Variants in SYCP1 observed in about 807,000 individuals in gnomAD.
The protein encoded by SYCP1 is cancer/testis antigen 8.
SYCP1 carries 64 observed loss-of-function variants against 153.1 expected under a neutral mutation model. That is an observed-to-expected ratio of 0.42 (90% confidence interval 0.34 to 0.51). The LOEUF is 0.51. Among genes scored for constraint, SYCP1 ranks in the 20% least tolerant of loss-of-function variants. SYCP1 has a pLI of 0.06. For synonymous variants in SYCP1, 384 were observed against 341.8 expected, an observed-to-expected ratio of 1.12 and a Z score of -1.36; for missense variants, 997 against 1,049.0, an observed-to-expected ratio of 0.95 and a Z score of 0.68.
At chr1:114,971,278 G>T (rs549929939) in intron 27 of SYCP1, among the ~76,000 whole-genome samples, 2 of 152,278 alleles carry the variant, frequency 1.3e-5, no homozygotes, top group South Asian at 4.1e-4. Context: ...AGGGCTTGCT[G>T]CTGCCACTGT....
intron 23 of SYCP1, 65 bp downstream of exon 23, chr1:114,926,628 T>G: frequency 7.5e-7 from 1 of 1,333,426 alleles, no homozygotes; most frequent in Non-Finnish European, 1.0e-6. Flanking sequence ...AGACATTTTA[T>G]TCCACTTGTT....
intron 5 of SYCP1, 72 bp downstream of exon 5, chr1:114,857,569 T>A: frequency 9.3e-7 from 1 of 1,074,896 alleles, no homozygotes. Flanking sequence ...TGTATATTTC[T>A]TTTGAAGCTT....
In SYCP1 at chr1:114,857,136, C is replaced by CAAAAAAAAAAAAAAAAAAAAAAAAA. The variant is rs71582509; in HGVS notation, c.194-75_194-74insAAAAAAAAAAAAAAAAAAAAAAAAA. Reference sequence around the variant, plus strand: ...ATAGTGCCAGATGTCCTCTCTCTCTCAAAAAAAAAAAAAAAAAAAAAGAGA... The same window carrying CAAAAAAAAAAAAAAAAAAAAAAAAA: ...ATAGTGCCAGATGTCCTCTCTCTCTCAAAAAAAAAAAAAAAAAAAAAAAAAAAAAAAAAAAAAAAAAAAAAAGAGA... On this transcript the variant is annotated intron_variant, in intron 3 of 31. Transcript: ENST00000369522. 2.0e-4 allele frequency: 48 copies of CAAAAAAAAAAAAAAAAAAAAAAAAA among 245,186 alleles called. 1 individual carries two copies. Among genetic ancestry groups the CAAAAAAAAAAAAAAAAAAAAAAAAA allele is most frequent in the African/African-American group, 5.3e-4 (9 of 16,856 alleles). 15.2% of individuals were successfully genotyped at this position (245,186 alleles called of 1,614,324 possible).
chr1:114,900,773 G>C (rs1313916051), intron 16 of SYCP1, among the ~76,000 whole-genome samples: 1 of 152,112 alleles, frequency 6.6e-6, no homozygotes, highest in African/African-American at 2.4e-5. Context: ...CATAATTAAG[G>C]GTGTGGTTAG....
intron 23 of SYCP1, among the ~76,000 whole-genome samples, chr1:114,943,157 T>C (rs1238401851): frequency 6.6e-6 from 1 of 151,950 alleles, no homozygotes; most frequent in Non-Finnish European, 1.5e-5. Flanking sequence ...TTGCTGAGAA[T>C]TTAAATTGGT....
At chr1:114,982,737 GT>G (rs1332803666) in intron 29 of SYCP1, among the ~76,000 whole-genome samples, 3 of 151,746 alleles carry the variant, frequency 2.0e-5, no homozygotes, top group Non-Finnish European at 2.9e-5. Context: ...GAGAGTTTCT[GT>G]TGTTTGTTCT....
At chr1:114,961,801 G>T (rs1250928019) in intron 27 of SYCP1, among the ~76,000 whole-genome samples, 1 of 152,032 alleles carries the variant, frequency 6.6e-6, no homozygotes, top group East Asian at 1.9e-4. Context: ...GTGATGAATA[G>T]AATGTATATT....
intron 28 of SYCP1, among the ~76,000 whole-genome samples, chr1:114,980,937 G>A (rs1329052877): frequency 5.0e-4 from 76 of 151,718 alleles, no homozygotes; most frequent in Non-Finnish European, 2.9e-5. Context: ...CTCCCATCCT[G>A]CATGCTCCCA....
At chr1:114,946,558 T>C (rs970814565) in intron 26 of SYCP1, among the ~76,000 whole-genome samples, 177 bp downstream of exon 26, 6 of 152,164 alleles carry the variant, frequency 3.9e-5, no homozygotes, top group African/African-American at 1.4e-4. Flanking sequence ...GTTTTTGAAA[T>C]AGTGGAACAA....
chr1:114,934,619 T>C (rs1441543873), intron 23 of SYCP1, among the ~76,000 whole-genome samples: 3 of 152,112 alleles, frequency 2.0e-5, no homozygotes, highest in African/African-American at 7.2e-5. Flanking sequence ...ACTGGCAAAT[T>C]GGATAAAGAG....
At chr1:114,933,875 A>G (rs1303376070) in intron 23 of SYCP1, among the ~76,000 whole-genome samples, 1 of 152,210 alleles carries the variant, frequency 6.6e-6, no homozygotes, top group Non-Finnish European at 1.5e-5. Context: ...GTAAAAAGAA[A>G]TGAATAAATC....
intron 20 of SYCP1, among the ~76,000 whole-genome samples, chr1:114,921,145 TA>T (rs1668842881): frequency 6.6e-6 from 1 of 152,078 alleles, no homozygotes; most frequent in Non-Finnish European, 1.5e-5. Context: ...TTATTTGTTG[TA>T]TTTTTTTTAT....
At chr1:114,991,275 G>A (rs1316302548) in intron 30 of SYCP1, among the ~76,000 whole-genome samples, 1 of 151,798 alleles carries the variant, frequency 6.6e-6, no homozygotes, top group Non-Finnish European at 1.5e-5. Context: ...CCAAAAAGTT[G>A]AAGAAGGAAC....
At chr1:114,912,315 C>A (rs1460104708) in intron 18 of SYCP1, among the ~76,000 whole-genome samples, 1 of 151,836 alleles carries the variant, frequency 6.6e-6, no homozygotes, top group Non-Finnish European at 1.5e-5. Context: ...AGTATATTTG[C>A]TTTTCAACTT....
chr1:114,857,136 CAAAAAAAAAAAAAA>C (rs71582509), intron 3 of SYCP1, 82 bp from the exon 4 acceptor site: 6 of 245,188 alleles, frequency 2.4e-5, no homozygotes, highest in Non-Finnish European at 2.9e-5. Flanking sequence ...CTCTCTCTCT[CAAAAAAAAAAAAAA>C]AAAAAAAGAG....
intron 20 of SYCP1, among the ~76,000 whole-genome samples, chr1:114,915,817 A>G (rs1381717823): frequency 6.6e-6 from 1 of 152,206 alleles, no homozygotes; most frequent in East Asian, 1.9e-4. Context: ...TATAAAAGGC[A>G]TGGTAATCCG....
chr1:114,967,431 C>T (rs191400983), intron 27 of SYCP1, among the ~76,000 whole-genome samples: 56 of 152,234 alleles, frequency 3.7e-4, no homozygotes, highest in Admixed American at 3.9e-4. Flanking sequence ...ATGTAATGCC[C>T]TTCTTTGTCT....
chr1:114,948,186 T>A (rs928179684), intron 27 of SYCP1, among the ~76,000 whole-genome samples: 10 of 152,220 alleles, frequency 6.6e-5, no homozygotes, highest in Non-Finnish European at 1.3e-4. Context: ...TGTAGTGTTT[T>A]ACAGTTTGCA....
At chr1:114,988,934 C>G (rs1028743146) in intron 30 of SYCP1, among the ~76,000 whole-genome samples, 1 of 151,918 alleles carries the variant, frequency 6.6e-6, no homozygotes, top group Non-Finnish European at 1.5e-5. Flanking sequence ...GTAAACCCAG[C>G]ATTTTGGGAG....
Sources: allele counts gnomAD v4.1 joint callset (sites outside exome capture counted in the v4.1 genomes callset), GRCh38; gene constraint gnomAD v4.1.1; transcripts MANE v1.5; gene names NCBI Gene and HGNC (gene_info 2026-07-23, HGNC 2026-07-21).